ACAP1: variants seen among roughly 807,000 people sequenced by gnomAD.
ACAP1 encodes the protein arf-GAP with coiled-coil, ANK repeat and PH domain-containing protein 1.
ACAP1 carries 45 observed loss-of-function variants against 98.8 expected under a neutral mutation model. The ratio of observed to expected loss-of-function variants is 0.46; its 90% CI spans 0.36 to 0.58. The LOEUF is 0.58. Ranked by LOEUF, ACAP1 falls within the 20% of genes least tolerant of loss-of-function variation. ACAP1 has a pLI of 0.00. For synonymous variants in ACAP1, 362 were observed against 375.3 expected (o/e 0.96, Z 0.41); for missense variants, 735 against 971.4 (o/e 0.76, Z 3.24).
At chr17:7,339,207 G>A (rs1235312638) in intron 2 of ACAP1, among the ~76,000 whole-genome samples, 2 of 148,884 alleles carry the variant, frequency 1.3e-5, no homozygotes, top group Admixed American at 6.7e-5. Flanking sequence ...GGAGAATGGC[G>A]CGAACCCGGG....
chr17:7,349,715 T>C, intron 18 of ACAP1: 1 of 472,750 alleles, frequency 2.1e-6, no homozygotes, highest in Non-Finnish European at 3.7e-6. Flanking sequence ...CTCAGCCTCA[T>C]CTGTAAAATA....
At chr17:7,347,326 C>T in intron 14 of ACAP1, 84 bp downstream of exon 14, 1 of 1,279,968 alleles carries the variant, frequency 7.8e-7, no homozygotes, top group South Asian at 1.4e-5. Context: ...ACCGGCCCCT[C>T]TTCCTTCCCT....
intron 2 of ACAP1, among the ~76,000 whole-genome samples, chr17:7,338,420 A>T (rs901637098): frequency 6.7e-6 from 1 of 150,168 alleles, no homozygotes; most frequent in Non-Finnish European, 1.5e-5. Flanking sequence ...CACCTGGATA[A>T]TTTTTTTTCT....
At position 7,336,627 on chromosome 17, in the gene ACAP1, TCTC is replaced by T; in HGVS notation, c.-102_-100del. On this transcript the variant is annotated 5_prime_UTR_variant, in exon 1 of 22. Transcript: ENST00000158762. Reference sequence around the variant, plus strand: ...CCAGGCCCTTCCCCGCGGAGGTCCCTCTCCTCCTTCCCCCTCATCTCCCCTTCC... The same window carrying T: ...CCAGGCCCTTCCCCGCGGAGGTCCCTCTCCTTCCCCCTCATCTCCCCTTCC... The T allele has an allele frequency of 1.6e-6, 2 of 1,215,074 alleles. No individual in the cohort carries two copies. Among genetic ancestry groups the T allele is most frequent in the Non-Finnish European group, 2.4e-6 (2 of 826,466 alleles). The allele number at this position is 1,215,074 out of a possible 1,614,324, so 75.3% of individuals were successfully genotyped here. A position where few individuals can be genotyped will look rare whatever the true frequency, so the allele number is the denominator to read the frequency against.
chr17:7,342,739 A>T (rs2073300320), intron 5 of ACAP1: 1 of 503,212 alleles, frequency 2.0e-6, no homozygotes, highest in Non-Finnish European at 3.6e-6. Flanking sequence ...AGCTCTACTA[A>T]AAAATACGAA....
chr17:7,340,674 G>A (rs1172474078), intron 2 of ACAP1, among the ~76,000 whole-genome samples: 6 of 151,896 alleles, frequency 4.0e-5, no homozygotes, highest in African/African-American at 1.2e-4. Flanking sequence ...GTGAAACCCC[G>A]TCTCTACTAA....
At chr17:7,338,088 TACTTC>T (rs1016597298) in intron 2 of ACAP1, among the ~76,000 whole-genome samples, 1 of 152,120 alleles carries the variant, frequency 6.6e-6, no homozygotes. Flanking sequence ...TCATTCCCCT[TACTTC>T]GCTTTACTTT....
rs768382654 is a variant in ACAP1 at position 7,348,176 on chromosome 17, G to A, written c.1463G>A (p.Arg488His). 14 of 1,614,052 alleles carry A rather than the reference G, an allele frequency of 8.7e-6. No individual in the cohort carries two copies. The highest frequency in any genetic ancestry group is 6.6e-5 in the South Asian group (6 of 91,060). ...NVIINQIYEA[R>H]VEAMAVKKPG... ...ATCATCAACCAGATCTATGAGGCCCGCGTGGAGGCCATGGCAGTGAAGAAA... is the reference window on the plus strand; with the variant it reads ...ATCATCAACCAGATCTATGAGGCCCACGTGGAGGCCATGGCAGTGAAGAAA... Residue 488 changes from arginine (R) to histidine (H), a missense_variant, in exon 16 of 22, where the codon CGC becomes CAC. This residue lies in a region of ACAP1 where 81 missense variants were observed against 132.0 expected (regional missense o/e 0.61). Coordinates refer to ENST00000158762, the MANE Select transcript of ACAP1 (RefSeq NM_014716.4).
intron 18 of ACAP1, 154 bp from the exon 19 acceptor site, chr17:7,349,791 G>A: frequency 1.6e-6 from 1 of 630,220 alleles, no homozygotes; most frequent in Admixed American, 2.7e-5. Flanking sequence ...CTAGAGCCAA[G>A]CCTAGCTTGG....
chr17:7,347,613 G>T, intron 14 of ACAP1: 1 of 543,692 alleles, frequency 1.8e-6, no homozygotes, highest in South Asian at 2.3e-5. Context: ...TGGTGGAAGG[G>T]AGGTGACATG....
chr17:7,348,449 G>A lies in ACAP1; in HGVS notation c.1652G>A (p.Arg551Gln), dbSNP rs763564538. The change falls in exon 17 of 22, where the codon CGG becomes CAG. Residue 551 changes from arginine (R) to glutamine (Q), a missense_variant. Around this residue, in one of 5 missense-constraint regions of ACAP1, gnomAD observed 80 missense variants for 64.4 expected, o/e 1.24. Transcript: ENST00000158762. ...CCCCCAAAGCCTTCCATCAGGCCCC[G>A]GCCAGGGAGCTTGAGATCCAAGCCA... ...PVPPKPSIRP[R>Q]PGSLRSKPEP... The A allele has an allele frequency of 2.6e-5, 39 of 1,489,016 alleles. No individual in the cohort carries two copies. The highest frequency in any genetic ancestry group is 4.7e-5 in the East Asian group (2 of 42,876). The allele number at this position is 1,489,016 out of a possible 1,614,324, so 92.2% of individuals were successfully genotyped here.
chr17:7,337,221 C>G, intron 1 of ACAP1, 91 bp from the exon 2 acceptor site: 1 of 1,233,396 alleles, frequency 8.1e-7, no homozygotes, highest in Non-Finnish European at 1.2e-6. Flanking sequence ...CTTTCTCCTC[C>G]GTACCCACCG....
rs186424204 is a variant in ACAP1, at chr17:7,346,966, T to G, written c.1131+35T>G. The G allele has an allele frequency of 3.3e-4, 523 of 1,592,950 alleles. 1 individual carries two copies. In the African/African-American group the frequency reaches 6.2e-3, roughly 19 times the overall value. ...CCTGGGGGTGCGGAGCCAGGCTGCC[T>G]GTGGAGATGGGGCACCCTTTACCCT... On this transcript the variant is annotated intron_variant, in intron 13 of 21. Coordinates refer to ENST00000158762, the MANE Select transcript of ACAP1 (RefSeq NM_014716.4).
At chr17:7,345,149 G>A (rs915382248) in intron 10 of ACAP1, among the ~76,000 whole-genome samples, 1 of 151,988 alleles carries the variant, frequency 6.6e-6, no homozygotes, top group African/African-American at 2.4e-5. Context: ...TAGGGATTTG[G>A]GGTCTACTCT....
At chr17:7,342,223 A>G (rs1597649770) in intron 3 of ACAP1, 52 bp from the exon 4 acceptor site, 1 of 1,608,920 alleles carries the variant, frequency 6.2e-7, no homozygotes, top group Non-Finnish European at 8.5e-7. Flanking sequence ...TCGAGTCGGG[A>G]GGGTGCTGCC....
chr17:7,348,254 G>C, intron 16 of ACAP1, 33 bp downstream of exon 16: 3 of 1,610,918 alleles, frequency 1.9e-6, no homozygotes, highest in Non-Finnish European at 2.5e-6. Flanking sequence ...CAGGGGAATG[G>C]GGGACCCCTG....
chr17:7,344,130 G>C lies in ACAP1; in HGVS notation c.744+7G>C. Reference sequence around the variant, plus strand: ...CGTGCTGCTGAAACAGAAGGTGAGGGGCCAGGTGCGGTGGCCCACGACCGT... The same window carrying C: ...CGTGCTGCTGAAACAGAAGGTGAGGCGCCAGGTGCGGTGGCCCACGACCGT... On this transcript the variant is annotated splice_region_variant and intron_variant, in intron 9 of 21. Coordinates refer to ENST00000158762, the MANE Select transcript of ACAP1 (RefSeq NM_014716.4). The surrounding 1 kb of genome is among the most constrained non-coding windows in gnomAD (Gnocchi z 4.9). The C allele has an allele frequency of 2.6e-6, 4 of 1,563,800 alleles. No homozygotes were observed. Among genetic ancestry groups the C allele is most frequent in the Non-Finnish European group, 3.5e-6 (4 of 1,153,856 alleles).
At chr17:7,347,847 C>A (rs2073362120) in intron 14 of ACAP1, 75 bp from the exon 15 acceptor site, 3 of 1,334,788 alleles carry the variant, frequency 2.2e-6, no homozygotes, top group Admixed American at 1.7e-5. Context: ...CTCCCAGTGT[C>A]TTCAGGAGCA....
At chr17:7,341,816 G>T in intron 2 of ACAP1, 132 bp from the exon 3 acceptor site, 1 of 1,295,284 alleles carries the variant, frequency 7.7e-7, no homozygotes, top group South Asian at 1.4e-5. Context: ...GATGAGCCTG[G>T]AGGGCAGTGA....
Sources: gnomAD v4.1 joint callset for allele counts (sites outside exome capture counted in the v4.1 genomes callset) on GRCh38, gnomAD v4.1.1 for gene constraint, gnomAD v4.1.1 regional missense constraint, Gnocchi (gnomAD v3.1) non-coding constraint, MANE v1.5 for transcripts, NCBI Gene and HGNC (gene_info 2026-07-23, HGNC 2026-07-21) for gene names.